RHOA: variants seen among roughly 807,000 people sequenced by gnomAD.
RHOA encodes the protein ras homolog family member A, also known as transforming protein RhoA.
RHOA carries 3 observed loss-of-function variants against 17.5 expected under a neutral mutation model. That is an observed-to-expected ratio of 0.17 (90% CI 0.08 to 0.44). RHOA has a LOEUF of 0.44. Ranked by LOEUF, RHOA falls within the 20% of genes least tolerant of loss-of-function variation. The probability of loss-of-function intolerance (pLI) is 0.99; values close to 1 mark genes in which losing one functional copy is unlikely to be tolerated. For missense variants in RHOA, 56 were observed against 242.3 expected (o/e 0.23, Z 5.10); for synonymous variants, 98 against 88.4 (o/e 1.11, Z -0.61).
chr3:49,360,399 AAT>A lies in RHOA; in HGVS notation c.409-19_409-18del, dbSNP rs753484736. 5.6e-6 allele frequency: 9 copies of A among 1,603,020 alleles called. No individual in the cohort carries two copies. The highest frequency in any genetic ancestry group is 1.8e-5 in the Admixed American group (1 of 56,394). ...CACCGGCTCCTAGCAAAGAAAAAAA[AAT>A]AGTCCTTTTAGCTAATAGTGTGGCA... On this transcript the variant is annotated intron_variant, in intron 4 of 4. Coordinates refer to ENST00000418115, the MANE Select transcript of RHOA (RefSeq NM_001664.4).
intron 1 of RHOA, among the ~76,000 whole-genome samples, chr3:49,383,269 A>C (rs1236043658): frequency 3.3e-5 from 5 of 151,542 alleles, no homozygotes; most frequent in Admixed American, 2.0e-4. Context: ...AAATACAAAA[A>C]ATTAGCCGGG....
chr3:49,396,515 T>C (rs573407608), intron 1 of RHOA, among the ~76,000 whole-genome samples: 2 of 152,238 alleles, frequency 1.3e-5, no homozygotes, highest in South Asian at 4.1e-4. Flanking sequence ...GAGACCAGCC[T>C]GGCCAACATA....
chr3:49,369,301 GCA>G lies in RHOA; in HGVS notation c.157-755_157-754del, dbSNP rs1559498366. On this transcript the variant is annotated intron_variant, in intron 2 of 4. Coordinates refer to ENST00000418115, the MANE Select transcript of RHOA (RefSeq NM_001664.4). ...GCCTCCCAAAGTGCTGGGATTACAGGCATGAGCCACCACACCCGGCCGAGTAT... is the reference window on the plus strand; with the variant it reads ...GCCTCCCAAAGTGCTGGGATTACAGGTGAGCCACCACACCCGGCCGAGTAT... Among the ~76,000 whole-genome samples, 7 of 150,854 alleles carry G rather than the reference GCA, an allele frequency of 4.6e-5. No homozygotes were observed. The East Asian group carries it at 1.4e-3, about 30-fold the overall frequency.
At chr3:49,383,675 C>G (rs1034518326) in intron 1 of RHOA, among the ~76,000 whole-genome samples, 1 of 152,056 alleles carries the variant, frequency 6.6e-6, no homozygotes, top group Non-Finnish European at 1.5e-5. Flanking sequence ...TGTGCCTTCC[C>G]TTCCTAGAAT....
rs1575668125 is a variant in RHOA, at chr3:49,391,390, A to C, written c.-2-15799T>G. On this transcript the variant is annotated intron_variant, in intron 1 of 4. Transcript: ENST00000418115. Reference sequence around the variant, plus strand: ...TTGAGCGACAGAGTGAGAATCCGTCAAAAAAAAAAAAAAAAGTAAAAATTA... The same window carrying C: ...TTGAGCGACAGAGTGAGAATCCGTCCAAAAAAAAAAAAAAAGTAAAAATTA... Among the ~76,000 whole-genome samples the C allele has an allele frequency of 2.2e-4, 16 of 71,160 alleles. No individual in the cohort carries two copies. In the South Asian group the frequency reaches 6.0e-3, roughly 27 times the overall value. 46.7% of individuals were successfully genotyped at this position (71,160 alleles called of 152,430 possible). A position where few individuals can be genotyped will look rare whatever the true frequency, so the allele number is the denominator to read the frequency against.
At chr3:49,360,496 G>A (rs931909220) in intron 4 of RHOA, 114 bp from the exon 5 acceptor site, 1 of 1,172,068 alleles carries the variant, frequency 8.5e-7, no homozygotes, top group Admixed American at 2.9e-5. Flanking sequence ...AGACAGTTTT[G>A]CTCGTCGGTC....
rs74365149 is a variant in RHOA at position 49,405,187 on chromosome 3, G to A, written c.-3+6633C>T. Among the ~76,000 whole-genome samples, 48 of 150,690 alleles carry A rather than the reference G, an allele frequency of 3.2e-4. No individual in the cohort carries two copies. The East Asian group carries it at 6.3e-3, about 20-fold the overall frequency. ...GAAGGAGAACTGCTTGAACTCGGAGGGCGGAGGTTGCAGTGAGCCGAGATC... is the reference window on the plus strand; with the variant it reads ...GAAGGAGAACTGCTTGAACTCGGAGAGCGGAGGTTGCAGTGAGCCGAGATC... On this transcript the variant is annotated intron_variant, in intron 1 of 4. Transcript: ENST00000418115.
rs757150914 is a variant in RHOA at position 49,410,746 on chromosome 3, G to A, written c.-3+1074C>T. Among the ~76,000 whole-genome samples, 6 of 152,162 alleles carry A rather than the reference G, an allele frequency of 3.9e-5. No homozygotes were observed. In the South Asian group the frequency reaches 8.3e-4, roughly 21 times the overall value. On this transcript the variant is annotated intron_variant, in intron 1 of 4. Transcript: ENST00000418115. ...ACATACAACATTTTAAATTATGGAA[G>A]TTTTTTGGTTTTTCAATTTTTCTCC...
intron 1 of RHOA, among the ~76,000 whole-genome samples, chr3:49,385,848 C>T (rs1419180716): frequency 2.0e-5 from 3 of 152,062 alleles, no homozygotes. Context: ...ACTATTTTCC[C>T]CCCAACTGGA....
At chr3:49,407,300 C>A (rs1401789933) in intron 1 of RHOA, among the ~76,000 whole-genome samples, 1 of 124,032 alleles carries the variant, frequency 8.1e-6, no homozygotes, top group African/African-American at 3.1e-5. Flanking sequence ...ATGGCTCGAT[C>A]TCTGCTCACA....
intron 1 of RHOA, chr3:49,406,866 G>C (rs1419567122): frequency 6.6e-6 from 1 of 152,142 alleles, no homozygotes; most frequent in Non-Finnish European, 1.5e-5. Flanking sequence ...CAAATCCTTA[G>C]TGGCTCATGC....
chr3:49,391,692 G>T (rs754664850), intron 1 of RHOA, among the ~76,000 whole-genome samples: 20 of 152,034 alleles, frequency 1.3e-4, no homozygotes, highest in Non-Finnish European at 2.4e-4. Flanking sequence ...TGTATTTTTA[G>T]TAGAGACGGG....
In RHOA at chr3:49,362,670, T is replaced by A. The variant is rs750192910; in HGVS notation, c.278-44A>T. On this transcript the variant is annotated intron_variant, in intron 3 of 4. Coordinates refer to ENST00000418115, the MANE Select transcript of RHOA (RefSeq NM_001664.4). ...GAATTTGGGGATACATACAATTCTA[T>A]CTTGAAGACTTTCCAAGAACCTCAG... is the stretch of plus-strand genomic sequence containing the variant. 14 of 1,518,336 alleles carry A rather than the reference T, an allele frequency of 9.2e-6. 1 individual carries two copies. In the Middle Eastern group the frequency reaches 5.2e-4, roughly 57 times the overall value. The allele number at this position is 1,518,336 out of a possible 1,614,324, so 94.1% of individuals were successfully genotyped here. A position where few individuals can be genotyped will look rare whatever the true frequency, so the allele number is the denominator to read the frequency against.
At position 49,366,167 on chromosome 3, in the gene RHOA, C is replaced by G. The variant is rs181759948; in HGVS notation, c.277+2261G>C. On this transcript the variant is annotated intron_variant, in intron 3 of 4. Coordinates refer to ENST00000418115, the MANE Select transcript of RHOA (RefSeq NM_001664.4). The stretch of plus-strand genomic sequence containing the variant: ...GCAAAGGCACACAGTCCTTCTCATT[C>G]CAATAGGATCTAGGTGAAGTTATTT... 2.0e-5 allele frequency among the ~76,000 whole-genome samples: 3 copies of G among 152,274 alleles called. No individual in the cohort carries two copies. The East Asian group carries it at 5.8e-4, about 29-fold the overall frequency.
intron 1 of RHOA, among the ~76,000 whole-genome samples, chr3:49,378,557 C>T (rs1433715948): frequency 6.6e-6 from 1 of 151,810 alleles, no homozygotes; most frequent in Non-Finnish European, 1.5e-5. Flanking sequence ...ATCTACGCAT[C>T]TATCCAATCT....
intron 1 of RHOA, among the ~76,000 whole-genome samples, chr3:49,389,681 C>T (rs2048462618): frequency 6.6e-6 from 1 of 152,252 alleles, no homozygotes; most frequent in Admixed American, 6.5e-5. Context: ...GTGGCTTACG[C>T]CTGTAATCCC....
At chr3:49,377,270 A>C (rs572356290) in intron 1 of RHOA, among the ~76,000 whole-genome samples, 82 of 151,676 alleles carry the variant, frequency 5.4e-4, no homozygotes, top group African/African-American at 1.9e-3. Context: ...TGAGAAAGGA[A>C]GGACGGACGG....
intron 1 of RHOA, among the ~76,000 whole-genome samples, chr3:49,394,798 A>G (rs1035314615): frequency 6.6e-6 from 1 of 152,196 alleles, no homozygotes; most frequent in Non-Finnish European, 1.5e-5. Context: ...AGAAAAGGCA[A>G]GTGATTCTGC....
intron 4 of RHOA, among the ~76,000 whole-genome samples, chr3:49,361,936 C>T (rs1267782635): frequency 6.6e-6 from 1 of 151,708 alleles, no homozygotes; most frequent in Non-Finnish European, 1.5e-5. Flanking sequence ...ACCTGTAATC[C>T]CTGCACTTTG....
Sources: allele counts gnomAD v4.1 joint callset (sites outside exome capture counted in the v4.1 genomes callset), GRCh38; gene constraint gnomAD v4.1.1; transcripts MANE v1.5; gene names NCBI Gene and HGNC (gene_info 2026-07-23, HGNC 2026-07-21).